KCND3: variants seen among roughly 807,000 people sequenced by gnomAD.
The protein encoded by KCND3 is potassium voltage-gated channel subfamily D member 3.
KCND3 carries 9 observed loss-of-function variants against 51.1 expected under a neutral mutation model. That is an observed-to-expected ratio of 0.18 (90% CI 0.11 to 0.31). KCND3 has a LOEUF of 0.31. Ranked by LOEUF, KCND3 falls within the 10% of genes least tolerant of loss-of-function variation. The pLI is 1.00. For missense variants in KCND3, 526 were observed against 903.8 expected, an observed-to-expected ratio of 0.58 and a Z score of 5.36; for synonymous variants, 349 against 368.0, an observed-to-expected ratio of 0.95 and a Z score of 0.59.
At chr1:111,883,252 T>C (rs1378200463) in intron 2 of KCND3, among the ~76,000 whole-genome samples, 1 of 152,236 alleles carries the variant, frequency 6.6e-6, no homozygotes, top group Non-Finnish European at 1.5e-5. Flanking sequence ...AATACTCATA[T>C]CCACCTTGTA....
intron 2 of KCND3, among the ~76,000 whole-genome samples, chr1:111,955,178 G>A (rs1052620467): frequency 2.6e-5 from 4 of 152,234 alleles, no homozygotes; most frequent in Non-Finnish European, 5.9e-5. Flanking sequence ...GGAGGCCAAG[G>A]CACGAGAATC....
chr1:111,880,546 G>C (rs1447316344), intron 2 of KCND3, among the ~76,000 whole-genome samples: 1 of 152,150 alleles, frequency 6.6e-6, no homozygotes, highest in Non-Finnish European at 1.5e-5. Context: ...ACTCCAAATG[G>C]CAACAAATAA....
At chr1:111,801,423 C>T (rs1333584942) in intron 2 of KCND3, among the ~76,000 whole-genome samples, 2 of 152,340 alleles carry the variant, frequency 1.3e-5, no homozygotes, top group African/African-American at 2.4e-5. Flanking sequence ...CAGACAAACT[C>T]TTATGGCCAG....
At chr1:111,784,769 A>T (rs1255762672) in intron 3 of KCND3, among the ~76,000 whole-genome samples, 1 of 152,118 alleles carries the variant, frequency 6.6e-6, no homozygotes, top group Non-Finnish European at 1.5e-5. Flanking sequence ...GTATCCAGGC[A>T]AGGTGAAAAC....
rs1355025650 is a variant in KCND3, at chr1:111,777,119, G to C, written c.1673C>G (p.Pro558Arg). ...GCGAGTAGCTGGCAGGTTAGAATTG[G>C]GCAGGTGTGTGGTCTTCTTACTACG... ...SRRSKKTTHL[P>R]NSNLPATRLR... The change falls in exon 7 of 8, where the codon CCC becomes CGC. Residue 558 changes from proline (P) to arginine (R), a missense_variant. Transcript: ENST00000302127. 1.1e-5 allele frequency: 18 copies of C among 1,614,030 alleles called. No individual in the cohort carries two copies. Among genetic ancestry groups the C allele is most frequent in the Non-Finnish European group, 1.5e-5 (18 of 1,180,014 alleles).
At chr1:111,955,477 G>T (rs1351241448) in intron 2 of KCND3, among the ~76,000 whole-genome samples, 4 of 152,186 alleles carry the variant, frequency 2.6e-5, no homozygotes, top group African/African-American at 9.7e-5. Flanking sequence ...GTGTCCCTGG[G>T]AGGGTAAATC....
At position 111,890,204 on chromosome 1, in the gene KCND3, A is replaced by T. The variant is rs143383722; in HGVS notation, c.1106+91417T>A. 2.6e-3 allele frequency among the ~76,000 whole-genome samples: 397 copies of T among 152,318 alleles called. 2 individuals carry two copies. Among genetic ancestry groups the T allele is most frequent in the Non-Finnish European group, 4.6e-3 (311 of 68,014 alleles). On this transcript the variant is annotated intron_variant, in intron 2 of 7. Transcript: ENST00000302127. Reference sequence around the variant, plus strand: ...TGTTGGCAGTTGGGATGAGTAGATAAGGAGTCAGGAATGCAAGTGAAGACC... The same window carrying T: ...TGTTGGCAGTTGGGATGAGTAGATATGGAGTCAGGAATGCAAGTGAAGACC...
chr1:111,902,385 CCTGG>C (rs1670428697), intron 2 of KCND3, among the ~76,000 whole-genome samples: 1 of 152,058 alleles, frequency 6.6e-6, no homozygotes, highest in African/African-American at 2.4e-5. Flanking sequence ...GGAAAGGCAC[CCTGG>C]GACAAAGGTG....
chr1:111,958,289 G>T (rs1405410004), intron 2 of KCND3, among the ~76,000 whole-genome samples: 1 of 152,190 alleles, frequency 6.6e-6, no homozygotes, highest in Non-Finnish European at 1.5e-5. Context: ...GGGTTCCATG[G>T]CTAATCTGCT....
intron 2 of KCND3, among the ~76,000 whole-genome samples, chr1:111,864,436 C>G (rs916901926): frequency 6.6e-6 from 1 of 152,180 alleles, no homozygotes; most frequent in Non-Finnish European, 1.5e-5. Flanking sequence ...TTCTCGCTCA[C>G]TCTCTCTTTT....
chr1:111,834,527 G>C (rs1666987285), intron 2 of KCND3, among the ~76,000 whole-genome samples: 1 of 152,184 alleles, frequency 6.6e-6, no homozygotes, highest in Non-Finnish European at 1.5e-5. Flanking sequence ...ACTTGGAAAG[G>C]AGTTTAGAGA....
intron 2 of KCND3, among the ~76,000 whole-genome samples, chr1:111,823,048 C>G (rs890677145): frequency 6.6e-6 from 1 of 152,154 alleles, no homozygotes; most frequent in East Asian, 1.9e-4. Context: ...GCGGGGGACC[C>G]ACGGGGTGGC....
At position 111,869,274 on chromosome 1, in the gene KCND3, A is replaced by G. The variant is rs1259871723; in HGVS notation, c.1107-82168T>C. Among the ~76,000 whole-genome samples the G allele has an allele frequency of 2.0e-5, 3 of 152,212 alleles. No individual in the cohort carries two copies. The East Asian group carries it at 5.8e-4, about 29-fold the overall frequency. On this transcript the variant is annotated intron_variant, in intron 2 of 7. Transcript: ENST00000302127. ...GGCTATACAAGCTGTCAGAATTATC[A>G]GACAGAAACAGAGCTCCTAGAGGCT...
intron 2 of KCND3, among the ~76,000 whole-genome samples, chr1:111,971,341 C>T (rs1482943776): frequency 1.3e-5 from 2 of 149,220 alleles, no homozygotes; most frequent in Non-Finnish European, 3.0e-5. Flanking sequence ...CAAACAAAAA[C>T]CCTTGTTTTA....
rs1434609630 is a variant in KCND3 at position 111,773,132 on chromosome 1, G to T, written c.*2945C>A. On this transcript the variant is annotated 3_prime_UTR_variant, in exon 8 of 8. Coordinates refer to ENST00000302127, the MANE Select transcript of KCND3 (RefSeq NM_001378969.1). ...ATGGAGGAAAAGGGGATGGTCTAAT[G>T]GTCTTTTAGGAAGTGGCATGACGTG... is the stretch of plus-strand genomic sequence containing the variant. The T allele has an allele frequency of 6.6e-6, 1 of 152,144 alleles. No individual in the cohort carries two copies. The highest frequency in any genetic ancestry group is 1.5e-5 in the Non-Finnish European group (1 of 68,028). The allele number at this position is 152,144 out of a possible 1,614,324, so 9.4% of individuals were successfully genotyped here.
chr1:111,825,458 A>G (rs1185424839), intron 2 of KCND3, among the ~76,000 whole-genome samples: 1 of 152,184 alleles, frequency 6.6e-6, no homozygotes, highest in African/African-American at 2.4e-5. Flanking sequence ...AGCTTTAAGG[A>G]TCCCTGACAC....
At chr1:111,917,564 G>A (rs1362745725) in intron 2 of KCND3, among the ~76,000 whole-genome samples, 13 of 152,166 alleles carry the variant, frequency 8.5e-5, no homozygotes, top group African/African-American at 2.9e-4. Context: ...AGCACCAGAC[G>A]CTCATGCCCA....
chr1:111,880,201 A>G (rs904227477), intron 2 of KCND3, among the ~76,000 whole-genome samples: 10 of 152,222 alleles, frequency 6.6e-5, no homozygotes, highest in African/African-American at 2.4e-4. Context: ...TAATAATAAT[A>G]TAGGGAGATC....
At chr1:111,966,309 A>C (rs1673980609) in intron 2 of KCND3, among the ~76,000 whole-genome samples, 1 of 152,258 alleles carries the variant, frequency 6.6e-6, no homozygotes, top group Non-Finnish European at 1.5e-5. Context: ...TCATGTAATA[A>C]AATACTGGGG....
Sources: gnomAD v4.1 joint callset for allele counts (sites outside exome capture counted in the v4.1 genomes callset) on GRCh38, gnomAD v4.1.1 for gene constraint, MANE v1.5 for transcripts, NCBI Gene and HGNC (gene_info 2026-07-23, HGNC 2026-07-21) for gene names.